The following CSMD1 variants were observed in gnomAD, a reference collection of about 807,000 sequenced individuals.
The protein encoded by CSMD1 is CUB and sushi domain-containing protein 1.
CSMD1 carries 213 observed loss-of-function variants against 417.5 expected under a neutral mutation model. That is an observed-to-expected ratio of 0.51 (90% CI 0.46 to 0.57). The LOEUF (loss-of-function observed/expected upper bound fraction) is 0.57. Among genes scored for constraint, CSMD1 ranks in the 20% least tolerant of loss-of-function variants. The pLI is 0.00. For synonymous variants in CSMD1, 2,862 were observed against 1,736.8 expected, an observed-to-expected ratio of 1.65 and a Z score of -16.11; for missense variants, 6,923 against 4,529.7, an observed-to-expected ratio of 1.53 and a Z score of -15.17.
Position 3,754,472 on chromosome 8 carries a change from T to TTTATTTA in CSMD1, c.819-431_819-430insTAAATAA, listed in dbSNP as rs1563343497. 9.9e-5 allele frequency among the ~76,000 whole-genome samples: 10 copies of TTTATTTA among 100,854 alleles called. 1 individual carries two copies. The East Asian group carries it at 2.3e-3, about 24-fold the overall frequency. 66.2% of individuals were successfully genotyped at this position (100,854 alleles called of 152,430 possible). On this transcript the variant is annotated intron_variant, in intron 5 of 69. Transcript: ENST00000635120. The stretch of plus-strand genomic sequence containing the variant: ...TATTTATTTATTTATTTATTTATTT[T>TTTATTTA]GAGACGGAGTCTCACTGTGTCATCC...
intron 25 of CSMD1, among the ~76,000 whole-genome samples, chr8:3,297,896 T>A (rs1185132675): frequency 1.3e-5 from 2 of 152,072 alleles, no homozygotes. Flanking sequence ...AAACCTGTGT[T>A]TATCAAAAGA....
At chr8:3,572,054 G>C (rs1412723868) in intron 10 of CSMD1, among the ~76,000 whole-genome samples, 2 of 152,158 alleles carry the variant, frequency 1.3e-5, no homozygotes, top group Non-Finnish European at 2.9e-5. Flanking sequence ...TTCCACCTGT[G>C]AGTGGTATAC....
chr8:3,990,967 C>A (rs930211467), intron 5 of CSMD1, among the ~76,000 whole-genome samples: 1 of 152,140 alleles, frequency 6.6e-6, no homozygotes, highest in African/African-American at 2.4e-5. Context: ...TTCAGAAGGA[C>A]AGGAGAGAAA....
At chr8:3,638,870 C>A (rs1013546321) in intron 7 of CSMD1, among the ~76,000 whole-genome samples, 1 of 152,062 alleles carries the variant, frequency 6.6e-6, no homozygotes, top group Non-Finnish European at 1.5e-5. Flanking sequence ...GATAAAACTA[C>A]AAGAAAAATG....
chr8:4,122,444 T>C (rs888002149), intron 3 of CSMD1, among the ~76,000 whole-genome samples: 4 of 152,172 alleles, frequency 2.6e-5, no homozygotes, highest in Non-Finnish European at 5.9e-5. Context: ...CAGTTAGCAA[T>C]AGATCCAGGG....
chr8:4,131,656 T>G (rs145889020), intron 3 of CSMD1, among the ~76,000 whole-genome samples: 1 of 151,950 alleles, frequency 6.6e-6, no homozygotes, highest in Non-Finnish European at 1.5e-5. Flanking sequence ...TAAATAAAAC[T>G]TAAAATGTTA....
At chr8:2,973,552 T>C (rs1804648081) in intron 56 of CSMD1, among the ~76,000 whole-genome samples, 1 of 152,112 alleles carries the variant, frequency 6.6e-6, no homozygotes, top group Admixed American at 6.5e-5. Context: ...ATAAACGACG[T>C]TTCCTTTGGA....
chr8:3,724,005 G>A lies in CSMD1; in HGVS notation c.932-15514C>T, dbSNP rs1044920317. 5.8e-5 allele frequency among the ~76,000 whole-genome samples: 3 copies of A among 51,782 alleles called. 1 individual carries two copies. Among genetic ancestry groups the A allele is most frequent in the Non-Finnish European group, 2.0e-4 (2 of 9,866 alleles). The allele number at this position is 51,782 out of a possible 152,430, so 34.0% of individuals were successfully genotyped here. A position where few individuals can be genotyped will look rare whatever the true frequency, so the allele number is the denominator to read the frequency against. Reference sequence around the variant, plus strand: ...AAAATGTCCACTATTATCTAAGAGGGATATTAAAATACGCCTCTCTTTTTC... The same window carrying A: ...AAAATGTCCACTATTATCTAAGAGGAATATTAAAATACGCCTCTCTTTTTC... On this transcript the variant is annotated intron_variant, in intron 6 of 69. Transcript: ENST00000635120.
chr8:4,826,397 C>A (rs1585167141), intron 1 of CSMD1, among the ~76,000 whole-genome samples: 2 of 152,114 alleles, frequency 1.3e-5, no homozygotes, highest in Admixed American at 1.3e-4. Context: ...TATGCAACAG[C>A]ATGGATGAGC....
intron 25 of CSMD1, among the ~76,000 whole-genome samples, chr8:3,299,747 CA>C: frequency 6.6e-6 from 1 of 152,166 alleles, no homozygotes; most frequent in Admixed American, 6.5e-5. Context: ...ATTCACATGT[CA>C]AAAAAGTCAA....
intron 1 of CSMD1, among the ~76,000 whole-genome samples, chr8:4,658,663 T>C (rs1354038459): frequency 2.0e-5 from 3 of 152,136 alleles, no homozygotes; most frequent in Non-Finnish European, 4.4e-5. Context: ...GCAATGCCGT[T>C]AGAAAAATTA....
chr8:4,796,125 A>T (rs1006808634), intron 1 of CSMD1, among the ~76,000 whole-genome samples: 2 of 152,044 alleles, frequency 1.3e-5, no homozygotes, highest in Non-Finnish European at 2.9e-5. Context: ...CTGTGGAGAG[A>T]TCCAGGACCA....
intron 3 of CSMD1, among the ~76,000 whole-genome samples, chr8:4,033,784 G>T (rs1049697699): frequency 1.3e-5 from 2 of 152,052 alleles, no homozygotes; most frequent in African/African-American, 4.8e-5. Context: ...CTTTTTCCTT[G>T]ATATGATTCT....
rs537717547 is a variant in CSMD1 at position 3,948,861 on chromosome 8, C to T, written c.818+49042G>A. Among the ~76,000 whole-genome samples, 10 of 152,096 alleles carry T rather than the reference C, an allele frequency of 6.6e-5. No homozygotes were observed. In the South Asian group the frequency reaches 2.1e-3, roughly 32 times the overall value. On this transcript the variant is annotated intron_variant, in intron 5 of 69. Coordinates refer to ENST00000635120, the MANE Select transcript of CSMD1 (RefSeq NM_033225.6). The stretch of plus-strand genomic sequence containing the variant: ...CAAGGGGTATCCAATTTTCAATGTT[C>T]TCATTATTCAGAAACTAACAAAAAA...
At chr8:3,355,173 T>A (rs1808700252) in intron 21 of CSMD1, among the ~76,000 whole-genome samples, 1 of 151,998 alleles carries the variant, frequency 6.6e-6, no homozygotes, top group Non-Finnish European at 1.5e-5. Context: ...AATAAGAGGA[T>A]ATATATCTCA....
intron 3 of CSMD1, among the ~76,000 whole-genome samples, chr8:4,291,279 T>C (rs780379919): frequency 6.6e-6 from 1 of 152,092 alleles, no homozygotes; most frequent in African/African-American, 2.4e-5. Context: ...AAAGGATAAA[T>C]ATGGATTAAA....
chr8:4,451,778 T>TAA (rs1394759879), intron 2 of CSMD1, among the ~76,000 whole-genome samples: 2 of 152,046 alleles, frequency 1.3e-5, no homozygotes, highest in Non-Finnish European at 2.9e-5. Context: ...CAGTAGTATT[T>TAA]GAGCAGGATC....
At chr8:3,216,529 A>G (rs1011001639) in intron 29 of CSMD1, among the ~76,000 whole-genome samples, 1 of 152,174 alleles carries the variant, frequency 6.6e-6, no homozygotes, top group Non-Finnish European at 1.5e-5. Flanking sequence ...AATATCACCT[A>G]CACAACTTTC....
At chr8:3,310,167 T>C (rs1441029913) in intron 23 of CSMD1, among the ~76,000 whole-genome samples, 1 of 152,236 alleles carries the variant, frequency 6.6e-6, no homozygotes, top group African/African-American at 2.4e-5. Flanking sequence ...CATTCAAATA[T>C]TTGATGACCT....
Sources: allele counts gnomAD v4.1 joint callset (sites outside exome capture counted in the v4.1 genomes callset), GRCh38; gene constraint gnomAD v4.1.1; transcripts MANE v1.5; gene names NCBI Gene and HGNC (gene_info 2026-07-23, HGNC 2026-07-21).